ZNF507: variants seen among roughly 807,000 people sequenced by gnomAD.
ZNF507 encodes the protein zinc finger protein 507.
In ZNF507, 29 loss-of-function variants were observed where a neutral mutation model predicts 80.0. The observed-to-expected ratio is 0.36, with a 90% CI of 0.27 to 0.49. ZNF507 has a LOEUF of 0.49. Ranked by LOEUF, ZNF507 falls within the 20% of genes least tolerant of loss-of-function variation. The probability of loss-of-function intolerance (pLI) is 0.98; values close to 1 mark genes in which losing one functional copy is unlikely to be tolerated. For synonymous variants in ZNF507, 462 were observed against 422.5 expected, an observed-to-expected ratio of 1.09 and a Z score of -1.15; for missense variants, 1,081 against 1,152.2, an observed-to-expected ratio of 0.94 and a Z score of 0.90.
chr19:32,365,575 C>T (rs78523014), intron 5 of ZNF507, among the ~76,000 whole-genome samples: 1,957 of 152,242 alleles, frequency 0.013, 50 homozygotes, highest in African/African-American at 0.043. Context: ...AAAAGTTCCA[C>T]TCAAAATTTT....
At chr19:32,375,276 G>A (rs1777021120) in intron 5 of ZNF507, among the ~76,000 whole-genome samples, 1 of 152,308 alleles carries the variant, frequency 6.6e-6, no homozygotes, top group South Asian at 2.1e-4. Context: ...TAGGGATGCT[G>A]CTGGACAACC....
chr19:32,348,813 C>T (rs543303785), intron 2 of ZNF507, among the ~76,000 whole-genome samples: 1 of 152,254 alleles, frequency 6.6e-6, no homozygotes, highest in East Asian at 1.9e-4. Flanking sequence ...TCAGCCATAT[C>T]GATCTTTTCA....
chr19:32,365,714 C>A (rs1215977313), intron 5 of ZNF507, among the ~76,000 whole-genome samples: 1 of 152,092 alleles, frequency 6.6e-6, no homozygotes, highest in Admixed American at 6.6e-5. Context: ...GTATCAGTTT[C>A]TTTTTAACCA....
chr19:32,364,322 T>A (rs750722748), intron 5 of ZNF507, among the ~76,000 whole-genome samples: 4 of 151,978 alleles, frequency 2.6e-5, no homozygotes, highest in Non-Finnish European at 4.4e-5. Context: ...TGACATTTCT[T>A]TTTTTTTCTT....
chr19:32,368,107 C>T (rs1366377865), intron 5 of ZNF507, among the ~76,000 whole-genome samples: 2 of 152,224 alleles, frequency 1.3e-5, no homozygotes, highest in Non-Finnish European at 2.9e-5. Flanking sequence ...GTCTGTGCTA[C>T]ACCAGGGAGA....
intron 5 of ZNF507, among the ~76,000 whole-genome samples, chr19:32,366,826 C>G (rs1468485458): frequency 6.6e-6 from 1 of 152,212 alleles, no homozygotes; most frequent in Non-Finnish European, 1.5e-5. Context: ...TATTCACATC[C>G]TCACCAGCAC....
rs1212079745 is a variant in ZNF507, at chr19:32,352,991, T to G, written c.161T>G (p.Ile54Arg). ...LIHVIQKLSKIVENEKSQKCL... is the reference protein window; with the variant it reads ...LIHVIQKLSKRVENEKSQKCL... Reference sequence around the variant, plus strand: ...CATGTTATCCAGAAGTTAAGCAAGATAGTGGAAAATGAAAAGTCACAAAAA... The same window carrying G: ...CATGTTATCCAGAAGTTAAGCAAGAGAGTGGAAAATGAAAAGTCACAAAAA... The change falls in exon 3 of 7, where the codon ATA becomes AGA. Residue 54 changes from isoleucine to arginine, a missense_variant. By Grantham distance (97) the Ile-to-Arg change is moderately conservative. This residue lies in a region of ZNF507 where 275 missense variants were observed against 303.9 expected (regional missense o/e 0.90). Transcript: ENST00000355898. 6.2e-7 allele frequency: 1 copy of G among 1,613,972 alleles called. No individual in the cohort carries two copies. Among genetic ancestry groups the G allele is most frequent in the Non-Finnish European group, 8.5e-7 (1 of 1,179,980 alleles).
At chr19:32,377,296 G>T (rs1967563391) in intron 5 of ZNF507, among the ~76,000 whole-genome samples, 1 of 152,200 alleles carries the variant, frequency 6.6e-6, no homozygotes, top group Non-Finnish European at 1.5e-5. Flanking sequence ...ATTACCGCTA[G>T]ACCAAGGAGC....
chr19:32,374,169 AAC>A (rs56820529), intron 5 of ZNF507, among the ~76,000 whole-genome samples: 40 of 149,894 alleles, frequency 2.7e-4, no homozygotes, highest in African/African-American at 8.1e-4. Flanking sequence ...CAAAGCAAGG[AAC>A]ACACACACAC....
chr19:32,351,949 C>G (rs1394648921), intron 2 of ZNF507, among the ~76,000 whole-genome samples: 2 of 152,002 alleles, frequency 1.3e-5, no homozygotes, highest in African/African-American at 2.4e-5. Flanking sequence ...GTGACTTCCT[C>G]AGCCATAATG....
chr19:32,363,245 A>C (rs145413215), intron 5 of ZNF507, among the ~76,000 whole-genome samples: 1 of 152,134 alleles, frequency 6.6e-6, no homozygotes, highest in Non-Finnish European at 1.5e-5. Context: ...GATTCCCTAC[A>C]TTTTGTTAAG....
At chr19:32,356,154 C>G (rs1410526614) in intron 3 of ZNF507, among the ~76,000 whole-genome samples, 2 of 152,200 alleles carry the variant, frequency 1.3e-5, no homozygotes, top group African/African-American at 4.8e-5. Context: ...GCTCTTGATT[C>G]ATGGGAATGG....
rs569811192 is a variant in ZNF507, at chr19:32,362,572, G to A, written c.2360+1954G>A. On this transcript the variant is annotated intron_variant, in intron 5 of 6. Coordinates refer to ENST00000355898, the MANE Select transcript of ZNF507 (RefSeq NM_001136156.2). ...TCAAATACTTAGGAAAAAGGTTAGC[G>A]ATTCTAGTTCTGTTGAAGGTTTTAC... 1.1e-3 allele frequency among the ~76,000 whole-genome samples: 167 copies of A among 152,298 alleles called. 1 individual carries two copies. Among genetic ancestry groups the A allele is most frequent in the African/African-American group, 3.9e-3 (161 of 41,564 alleles).
intron 5 of ZNF507, 44 bp from the exon 6 acceptor site, chr19:32,382,423 G>A (rs932402537): frequency 1.2e-6 from 2 of 1,601,860 alleles, no homozygotes; most frequent in African/African-American, 1.3e-5. Flanking sequence ...TTTCACTGAT[G>A]TTATGGGACC....
chr19:32,378,136 T>G (rs1179494011), intron 5 of ZNF507, among the ~76,000 whole-genome samples: 1 of 152,004 alleles, frequency 6.6e-6, no homozygotes, highest in Non-Finnish European at 1.5e-5. Flanking sequence ...GGCGATCACC[T>G]GAGGTCAGGA....
rs183873179 is a variant in ZNF507 at position 32,349,114 on chromosome 19, C to T, written c.-3+1776C>T. Reference sequence around the variant, plus strand: ...AGAAGGGTCTTGGAGAGCAGCCTACCTGGAAAGAAATAGCCTTCTATTGAG... The same window carrying T: ...AGAAGGGTCTTGGAGAGCAGCCTACTTGGAAAGAAATAGCCTTCTATTGAG... On this transcript the variant is annotated intron_variant, in intron 2 of 6. Transcript: ENST00000355898. Among the ~76,000 whole-genome samples, 29 of 152,250 alleles carry T rather than the reference C, an allele frequency of 1.9e-4. No individual in the cohort carries two copies. The East Asian group carries it at 5.0e-3, about 26-fold the overall frequency.
chr19:32,353,017 T>C lies in ZNF507; in HGVS notation c.187T>C (p.Cys63Arg). ...AGTGGAAAATGAAAAGTCACAAAAA[T>C]GTCTTTTAATTGGGAAGAAACGCCC... ...KIVENEKSQK[C>R]LLIGKKRPRS... The change falls in exon 3 of 7, where the codon TGT (cysteine) becomes CGT (arginine). Residue 63 changes from cysteine to arginine, a missense_variant. By Grantham distance (180) the Cys-to-Arg change is radical. This residue lies in a region of ZNF507 where 275 missense variants were observed against 303.9 expected (regional missense o/e 0.90). Transcript: ENST00000355898. 1 of 1,613,954 alleles carries C rather than the reference T, an allele frequency of 6.2e-7. No individual in the cohort carries two copies. The highest frequency in any genetic ancestry group is 1.1e-5 in the South Asian group (1 of 91,028).
chr19:32,355,761 G>C (rs1239884966), intron 3 of ZNF507, among the ~76,000 whole-genome samples: 1 of 152,012 alleles, frequency 6.6e-6, no homozygotes, highest in Non-Finnish European at 1.5e-5. Flanking sequence ...GTCACAGGAG[G>C]GAGGCCGAGG....
intron 5 of ZNF507, among the ~76,000 whole-genome samples, chr19:32,369,740 C>G (rs917854988): frequency 6.6e-6 from 1 of 152,066 alleles, no homozygotes; most frequent in African/African-American, 2.4e-5. Context: ...ATCAGCATAT[C>G]TATCATCTTA....
Sources: allele counts gnomAD v4.1 joint callset (sites outside exome capture counted in the v4.1 genomes callset), GRCh38; gene constraint gnomAD v4.1.1; regional missense constraint gnomAD v4.1.1; transcripts MANE v1.5; gene names NCBI Gene and HGNC (gene_info 2026-07-23, HGNC 2026-07-21).